The following CHN2 variants were observed in gnomAD, a reference collection of about 807,000 sequenced individuals.
CHN2 encodes the protein chimerin 2.
Under a neutral mutation model 56.3 loss-of-function variants are expected in CHN2, and 35 were observed. The ratio of observed to expected loss-of-function variants is 0.62; its 90% confidence interval spans 0.47 to 0.82. The LOEUF (loss-of-function observed/expected upper bound fraction) is 0.82. Ranked by LOEUF, CHN2 falls within the 40% of genes least tolerant of loss-of-function variation. The pLI is 0.00. For missense variants in CHN2, 491 were observed against 580.5 expected, an observed-to-expected ratio of 0.85 and a Z score of 1.58; for synonymous variants, 210 against 212.8, an observed-to-expected ratio of 0.99 and a Z score of 0.12.
intron 3 of CHN2, among the ~76,000 whole-genome samples, chr7:29,368,656 C>T (rs943053343): frequency 8.5e-5 from 13 of 152,124 alleles, no homozygotes; most frequent in African/African-American, 2.9e-4. Context: ...CCACGGATAG[C>T]TTTTAAAGTG....
intron 6 of CHN2, among the ~76,000 whole-genome samples, chr7:29,418,064 G>A (rs954361566): frequency 1.3e-5 from 2 of 152,258 alleles, no homozygotes; most frequent in African/African-American, 4.8e-5. Context: ...CAAGTGGAGA[G>A]ATGAAGGATT....
intron 5 of CHN2, among the ~76,000 whole-genome samples, chr7:29,399,638 C>T (rs1358452732): frequency 6.6e-6 from 1 of 152,186 alleles, no homozygotes; most frequent in African/African-American, 2.4e-5. Flanking sequence ...GGAAAGCCCT[C>T]TCTCCATAGG....
chr7:29,299,186 C>T lies in CHN2; in HGVS notation c.50-55439C>T, dbSNP rs1008229550. On this transcript the variant is annotated intron_variant, in intron 1 of 12. Coordinates refer to ENST00000222792, the MANE Select transcript of CHN2 (RefSeq NM_004067.4). ...GACCAAACATCCTATGGTTCCACCC[C>T]GTGCTCCCACTGCGTAGACCGGTCG... Among the ~76,000 whole-genome samples the T allele has an allele frequency of 2.3e-4, 35 of 152,208 alleles. 1 individual carries two copies. Among genetic ancestry groups the T allele is most frequent in the Admixed American group, 4.6e-4 (7 of 15,286 alleles).
chr7:29,220,365 A>T (rs1343862330), intron 1 of CHN2, among the ~76,000 whole-genome samples: 1 of 151,922 alleles, frequency 6.6e-6, no homozygotes, highest in African/African-American at 2.4e-5. Context: ...AATTAACAAA[A>T]ACAACTGGGG....
intron 1 of CHN2, among the ~76,000 whole-genome samples, chr7:29,336,884 G>A (rs549135930): frequency 6.6e-6 from 1 of 151,442 alleles, no homozygotes; most frequent in East Asian, 2.0e-4. Flanking sequence ...CTGGCACAGG[G>A]CCTGGCAAAC....
Position 29,451,645 on chromosome 7 carries a change from G to A in CHN2, c.577-28634G>A, listed in dbSNP as rs535131884. Among the ~76,000 whole-genome samples the A allele has an allele frequency of 3.9e-5, 6 of 152,238 alleles. No individual in the cohort carries two copies. In the South Asian group the frequency reaches 1.2e-3, roughly 32 times the overall value. ...AAGAGAGAAATAATTTTAGGAAGCT[G>A]TATTTATTCCAAATGTAGAGAATTC... On this transcript the variant is annotated intron_variant, in intron 6 of 12. Transcript: ENST00000222792.
chr7:29,379,474 A>C (rs1367603003), intron 3 of CHN2, among the ~76,000 whole-genome samples: 1 of 152,216 alleles, frequency 6.6e-6, no homozygotes, highest in Non-Finnish European at 1.5e-5. Flanking sequence ...AGAGTGCTAC[A>C]TCTGCAGTTA....
chr7:29,204,596 T>C (rs1244679122), intron 1 of CHN2, among the ~76,000 whole-genome samples: 1 of 152,150 alleles, frequency 6.6e-6, no homozygotes, highest in Non-Finnish European at 1.5e-5. Flanking sequence ...CTTTGAGTTG[T>C]TAATTTCTGG....
intron 9 of CHN2, among the ~76,000 whole-genome samples, chr7:29,504,022 C>T (rs1041737467): frequency 6.6e-6 from 1 of 152,142 alleles, no homozygotes; most frequent in African/African-American, 2.4e-5. Flanking sequence ...GAAGCAATAA[C>T]CAAAACTTTA....
rs1554312224 is a variant in CHN2 at position 29,512,819 on chromosome 7, T to TC, written c.*84_*85insC. The TC allele has an allele frequency of 2.7e-5, 39 of 1,457,568 alleles. 2 individuals carry two copies. In the South Asian group the frequency reaches 5.3e-4, roughly 20 times the overall value. The allele number at this position is 1,457,568 out of a possible 1,614,324, so 90.3% of individuals were successfully genotyped here. On this transcript the variant is annotated 3_prime_UTR_variant, in exon 13 of 13. Transcript: ENST00000222792. The stretch of plus-strand genomic sequence containing the variant: ...AATAAAAACATTTCTTACCACTTGA[T>TC]TTGTTTTCCAAGCAAGTGCTAGAAT...
intron 2 of CHN2, among the ~76,000 whole-genome samples, chr7:29,354,911 ACT>A (rs978026848): frequency 1.4e-5 from 2 of 146,502 alleles, no homozygotes; most frequent in South Asian, 2.2e-4. Context: ...GGACTTTCTG[ACT>A]CTCTGCCTTT....
At chr7:29,405,753 G>A (rs1000658794) in intron 6 of CHN2, among the ~76,000 whole-genome samples, 1 of 152,132 alleles carries the variant, frequency 6.6e-6, no homozygotes, top group South Asian at 2.1e-4. Flanking sequence ...CCCACTCAGC[G>A]TTTTGTTTGT....
chr7:29,347,424 A>G (rs140623199), intron 1 of CHN2, among the ~76,000 whole-genome samples: 1,708 of 152,280 alleles, frequency 0.011, 12 homozygotes, highest in Non-Finnish European at 0.017. Flanking sequence ...ATTGACTCAC[A>G]GATCTGCATG....
intron 3 of CHN2, among the ~76,000 whole-genome samples, chr7:29,375,760 C>A (rs1800030169): frequency 6.6e-6 from 1 of 152,056 alleles, no homozygotes. Context: ...TTTTGTAACA[C>A]CAACCTTACT....
At chr7:29,240,136 C>T (rs1787537094) in intron 1 of CHN2, among the ~76,000 whole-genome samples, 1 of 152,156 alleles carries the variant, frequency 6.6e-6, no homozygotes, top group African/African-American at 2.4e-5. Flanking sequence ...ATTGAGGTAT[C>T]CACCTTGGGC....
At chr7:29,510,595 T>C (rs1207169429) in intron 12 of CHN2, among the ~76,000 whole-genome samples, 2 of 152,124 alleles carry the variant, frequency 1.3e-5, no homozygotes, top group East Asian at 3.9e-4. Context: ...CCTCAGTTCC[T>C]TGCCATGTGC....
intron 1 of CHN2, chr7:29,335,590 C>T (rs897553678): frequency 1.3e-5 from 2 of 152,360 alleles, no homozygotes; most frequent in East Asian, 1.9e-4. Flanking sequence ...GCCAGATCCT[C>T]ACCATACTAG....
chr7:29,393,656 A>ATTTTTT, intron 3 of CHN2, 23 bp from the exon 4 acceptor site: 1 of 872,328 alleles, frequency 1.1e-6, no homozygotes, highest in East Asian at 5.5e-5. Flanking sequence ...TGCATTATTA[A>ATTTTTT]TTTTTTTTTC....
At chr7:29,229,534 A>G (rs186874789) in intron 1 of CHN2, among the ~76,000 whole-genome samples, 5 of 152,220 alleles carry the variant, frequency 3.3e-5, no homozygotes, top group African/African-American at 7.2e-5. Flanking sequence ...ATTCAGTAGT[A>G]TACTGGTATT....
Sources: gnomAD v4.1 joint callset for allele counts (sites outside exome capture counted in the v4.1 genomes callset) on GRCh38, gnomAD v4.1.1 for gene constraint, MANE v1.5 for transcripts, NCBI Gene and HGNC (gene_info 2026-07-23, HGNC 2026-07-21) for gene names.